EIF3M: variants seen among roughly 807,000 people sequenced by gnomAD.
The protein encoded by EIF3M is B5 receptor.
EIF3M carries 25 observed loss-of-function variants against 49.7 expected under a neutral mutation model. That is an observed-to-expected ratio of 0.50 (90% CI 0.37 to 0.70). The LOEUF (loss-of-function observed/expected upper bound fraction) is 0.70, where lower values mean the gene tolerates loss of function less well. EIF3M is among the 30% of genes least tolerant of loss of function. The probability of loss-of-function intolerance (pLI) is 0.00; values close to 1 mark genes in which losing one functional copy is unlikely to be tolerated. For missense variants in EIF3M, 350 were observed against 440.0 expected (o/e 0.80, Z 1.83); for synonymous variants, 156 against 149.8 (o/e 1.04, Z -0.30).
chr11:32,600,418 A>G (rs1229339426), intron 8 of EIF3M, among the ~76,000 whole-genome samples: 1 of 151,912 alleles, frequency 6.6e-6, no homozygotes, highest in Non-Finnish European at 1.5e-5. Flanking sequence ...CAAAACTTTT[A>G]GGGTCTAAAA....
At chr11:32,601,501 T>TAAAA (rs60498109) in intron 9 of EIF3M, 18 of 217,250 alleles carry the variant, frequency 8.3e-5, no homozygotes, top group East Asian at 2.3e-4. Flanking sequence ...TAGCATTCTT[T>TAAAA]AAAAAAAAAA....
intron 8 of EIF3M, 80 bp from the exon 9 acceptor site, chr11:32,600,609 C>A: frequency 2.2e-6 from 3 of 1,360,134 alleles, no homozygotes; most frequent in South Asian, 2.0e-5. Flanking sequence ...AAATAATTTC[C>A]ACAGCTTAAC....
intron 1 of EIF3M, among the ~76,000 whole-genome samples, chr11:32,585,094 T>A (rs1854974433): frequency 6.6e-6 from 1 of 151,572 alleles, no homozygotes; most frequent in South Asian, 2.1e-4. Flanking sequence ...CCCTCTCTCC[T>A]CCCCCCGCCC....
chr11:32,602,626 C>T lies in EIF3M; in HGVS notation c.*227C>T, dbSNP rs1230524967. On this transcript the variant is annotated 3_prime_UTR_variant, in exon 11 of 11. Transcript: ENST00000531120. ...AAGGATATTGAAGAAGCAATGAGCA[C>T]TTTAAAGAAAGGATAATATACAGAG... The T allele has an allele frequency of 1.3e-6, 1 of 748,948 alleles. No individual in the cohort carries two copies. The highest frequency in any genetic ancestry group is 3.3e-5 in the Admixed American group (1 of 30,738). 46.4% of individuals were successfully genotyped at this position (748,948 alleles called of 1,614,324 possible).
At chr11:32,589,485 A>T in intron 4 of EIF3M, 62 bp from the exon 5 acceptor site, 7 of 1,506,856 alleles carry the variant, frequency 4.6e-6, no homozygotes, top group Non-Finnish European at 6.4e-6. Context: ...CCAGAAATGT[A>T]CTTTTATATG....
chr11:32,589,219 C>T (rs1375918179), intron 4 of EIF3M, 84 bp downstream of exon 4: 1 of 1,556,474 alleles, frequency 6.4e-7, no homozygotes, highest in East Asian at 2.3e-5. Context: ...TGTTGTTGCC[C>T]AGGCTGGAGT....
At chr11:32,593,433 T>G (rs1436333220) in intron 5 of EIF3M, among the ~76,000 whole-genome samples, 1 of 152,186 alleles carries the variant, frequency 6.6e-6, no homozygotes, top group African/African-American at 2.4e-5. Flanking sequence ...CACAAAACTT[T>G]TTTTGCGCCT....
rs774493379 is a variant in EIF3M, at chr11:32,605,559, A to C, written c.*3160A>C. ...TTCATTTTGGTGTATTTGGCATCCA[A>C]GTACAAATTAACAGTTTCCCAAAAT... On this transcript the variant is annotated 3_prime_UTR_variant, in exon 11 of 11. Transcript: ENST00000531120. The C allele has an allele frequency of 6.6e-6, 1 of 152,218 alleles. No individual in the cohort carries two copies. The highest frequency in any genetic ancestry group is 1.5e-5 in the Non-Finnish European group (1 of 68,034). 9.4% of individuals were successfully genotyped at this position (152,218 alleles called of 1,614,324 possible). A position where few individuals can be genotyped will look rare whatever the true frequency, so the allele number is the denominator to read the frequency against.
chr11:32,584,607 C>CAAAAAAAAAAAAAAAAA (rs796738414), intron 1 of EIF3M, among the ~76,000 whole-genome samples: 3 of 62,288 alleles, frequency 4.8e-5, no homozygotes, highest in African/African-American at 6.0e-5. Context: ...GAGTCCCTCT[C>CAAAAAAAAAAAAAAAAA]AAAAAAAAAA....
Position 32,603,137 on chromosome 11 carries a change from C to T in EIF3M, c.*738C>T. The T allele has an allele frequency of 1.3e-6, 1 of 760,424 alleles. No homozygotes were observed. The highest frequency in any genetic ancestry group is 2.1e-6 in the Non-Finnish European group (1 of 472,086). 47.1% of individuals were successfully genotyped at this position (760,424 alleles called of 1,614,324 possible). A position where few individuals can be genotyped will look rare whatever the true frequency, so the allele number is the denominator to read the frequency against. Reference sequence around the variant, plus strand: ...AAACCACCATCTCTTGGCTGATTTCCACTACCTTAGTAGTTCTGGCACCAG... The same window carrying T: ...AAACCACCATCTCTTGGCTGATTTCTACTACCTTAGTAGTTCTGGCACCAG... On this transcript the variant is annotated 3_prime_UTR_variant, in exon 11 of 11. Coordinates refer to ENST00000531120, the MANE Select transcript of EIF3M (RefSeq NM_006360.6).
At chr11:32,595,826 A>G (rs1855169551) in intron 7 of EIF3M, 140 bp from the exon 8 acceptor site, 1 of 620,348 alleles carries the variant, frequency 1.6e-6, no homozygotes, top group African/African-American at 2.0e-5. Flanking sequence ...TGGTAATTTG[A>G]TGAAACAGAA....
intron 10 of EIF3M, 82 bp downstream of exon 10, chr11:32,601,904 AGGT>A: frequency 1.4e-6 from 2 of 1,440,794 alleles, no homozygotes; most frequent in Non-Finnish European, 1.9e-6. Context: ...TAGAGAACCA[AGGT>A]GGTGTTATCA....
At chr11:32,602,010 C>A in intron 10 of EIF3M, 188 bp downstream of exon 10, 1 of 833,808 alleles carries the variant, frequency 1.2e-6, no homozygotes. Context: ...GTCCTATTTT[C>A]CAGCACATTT....
In EIF3M at chr11:32,589,123, T is replaced by G; in HGVS notation, c.426T>G (p.Thr142=). The change falls in exon 4 of 11, where the codon ACT becomes ACG. Residue 142 remains threonine, a synonymous_variant. Transcript: ENST00000531120. The part of the protein sequence containing the change: ...ASCGAIQYIP[T]ELDQVRKWIS... ...GTGGGGCCATCCAGTACATCCCAAC[T>G]GAGCTGGATCAAGTGAGTTACTGTG... is the stretch of plus-strand genomic sequence containing the variant. 6.2e-7 allele frequency: 1 copy of G among 1,614,156 alleles called. No individual in the cohort carries two copies.
chr11:32,587,877 G>A (rs898229790), intron 2 of EIF3M, among the ~76,000 whole-genome samples: 1 of 152,156 alleles, frequency 6.6e-6, no homozygotes. Context: ...GATTAAATTT[G>A]GGATATGATT....
rs1855259698 is a variant in EIF3M at position 32,601,367 on chromosome 11, A to T, written c.944-395A>T. ...TGAAAGTTGGGATTATGCAATTAAG[A>T]TTAATAAAAGGTACAGAACTATTGA... On this transcript the variant is annotated intron_variant, in intron 9 of 10. Transcript: ENST00000531120. 2.5e-5 allele frequency: 4 copies of T among 158,502 alleles called. No homozygotes were observed. The South Asian group carries it at 8.1e-4, about 32-fold the overall frequency. The allele number at this position is 158,502 out of a possible 1,614,324, so 9.8% of individuals were successfully genotyped here. A position where few individuals can be genotyped will look rare whatever the true frequency, so the allele number is the denominator to read the frequency against.
At chr11:32,594,836 T>C (rs1855155025) in intron 6 of EIF3M, 78 bp from the exon 7 acceptor site, 2 of 1,331,632 alleles carry the variant, frequency 1.5e-6, no homozygotes, top group Non-Finnish European at 1.0e-6. Flanking sequence ...GAATTAAGTA[T>C]ATTTTATGAT....
At position 32,591,954 on chromosome 11, in the gene EIF3M, C is replaced by A. The variant is rs1855109172; in HGVS notation, c.534-1912C>A. On this transcript the variant is annotated intron_variant, in intron 5 of 10. Transcript: ENST00000531120. ...ACCGTAATTACCACTCCCCAAATTA[C>A]CTTCTTCATTGTAACCATCATATCC... 1.5e-5 allele frequency: 4 copies of A among 266,850 alleles called. No individual in the cohort carries two copies. The South Asian group carries it at 1.9e-4, about 13-fold the overall frequency. The allele number at this position is 266,850 out of a possible 1,614,324, so 16.5% of individuals were successfully genotyped here. A position where few individuals can be genotyped will look rare whatever the true frequency, so the allele number is the denominator to read the frequency against.
Position 32,604,062 on chromosome 11 carries a change from C to T in EIF3M, c.*1663C>T, listed in dbSNP as rs1855313058. 1 of 151,938 alleles carries T rather than the reference C, an allele frequency of 6.6e-6. No homozygotes were observed. Among genetic ancestry groups the T allele is most frequent in the South Asian group, 2.1e-4 (1 of 4,816 alleles). The allele number at this position is 151,938 out of a possible 1,614,324, so 9.4% of individuals were successfully genotyped here. On this transcript the variant is annotated 3_prime_UTR_variant, in exon 11 of 11. Transcript: ENST00000531120. Reference sequence around the variant, plus strand: ...AGCCTGGACAACAGAGTGAGACCCTCTCTCAAAAATAAATAATAGATAAAA... The same window carrying T: ...AGCCTGGACAACAGAGTGAGACCCTTTCTCAAAAATAAATAATAGATAAAA...
Sources: allele counts gnomAD v4.1 joint callset (sites outside exome capture counted in the v4.1 genomes callset), GRCh38; gene constraint gnomAD v4.1.1; transcripts MANE v1.5; gene names NCBI Gene and HGNC (gene_info 2026-07-23, HGNC 2026-07-21).